Variants in KIFC2 observed in about 807,000 individuals in gnomAD.
KIFC2 encodes kinesin family member C2.
KIFC2 carries 94 observed loss-of-function variants against 91.5 expected under a neutral mutation model. The observed-to-expected ratio is 1.03, with a 90% confidence interval of 0.87 to 1.22. The LOEUF (loss-of-function observed/expected upper bound fraction) is 1.22, where lower values mean the gene tolerates loss of function less well. KIFC2 is among the 50% of genes most tolerant of loss of function. The probability of loss-of-function intolerance (pLI) is 0.00; values close to 1 mark genes in which losing one functional copy is unlikely to be tolerated. For missense variants in KIFC2, 1,357 were observed against 1,103.3 expected, an observed-to-expected ratio of 1.23 and a Z score of -3.26; for synonymous variants, 729 against 503.9, an observed-to-expected ratio of 1.45 and a Z score of -5.98.
chr8:144,473,909 C>T lies in KIFC2; in HGVS notation c.*520C>T. The stretch of plus-strand genomic sequence containing the variant: ...GGGCTCTCCCTCCCCCAGCCTGGAG[C>T]ACGGGAGGGGAGGTGACGGCTGGTG... On this transcript the variant is annotated 3_prime_UTR_variant, in exon 18 of 18. Coordinates refer to ENST00000645548, the MANE Select transcript of KIFC2 (RefSeq NM_001369769.2). 1 of 425,848 alleles carries T rather than the reference C, an allele frequency of 2.3e-6. No homozygotes were observed. Among genetic ancestry groups the T allele is most frequent in the Non-Finnish European group, 4.2e-6 (1 of 238,378 alleles). The allele number at this position is 425,848 out of a possible 1,614,324, so 26.4% of individuals were successfully genotyped here.
rs1179710228 is a variant in KIFC2 at position 144,467,315 on chromosome 8, C to T, written c.443C>T (p.Pro148Leu). The T allele has an allele frequency of 3.1e-6, 5 of 1,611,106 alleles. No homozygotes were observed. Among genetic ancestry groups the T allele is most frequent in the East Asian group, 4.5e-5 (2 of 44,872 alleles). Residue 148 changes from proline to leucine, a missense_variant, in exon 4 of 18, where the codon CCT becomes CTT. By Grantham distance (98) the Pro-to-Leu change is moderately conservative. Coordinates refer to ENST00000645548, the MANE Select transcript of KIFC2 (RefSeq NM_001369769.2). ...CTGCTCCAGGGGACTCAGCCAGCCC[C>T]TCGGGTCCGGCCCCCCTCTCCAGAT... Reference protein sequence around the residue: ...QALLQGTQPAPRVRPPSPDGS... With the variant: ...QALLQGTQPALRVRPPSPDGS...
In KIFC2 at chr8:144,467,482, C is replaced by T. The variant is rs1416446575; in HGVS notation, c.470-3C>T. ...AGTGCTAACTGGGCCCACCCTACTC[C>T]AGGATCCACATCCCAAGAAGAAAGC... On this transcript the variant is annotated splice_polypyrimidine_tract_variant and splice_region_variant and intron_variant, in intron 4 of 17. Coordinates refer to ENST00000645548, the MANE Select transcript of KIFC2 (RefSeq NM_001369769.2). 7.1e-6 allele frequency: 11 copies of T among 1,558,930 alleles called. No individual in the cohort carries two copies. The highest frequency in any genetic ancestry group is 9.5e-6 in the Non-Finnish European group (11 of 1,155,690).
intron 12 of KIFC2, among the ~76,000 whole-genome samples, 191 bp from the exon 13 acceptor site, chr8:144,471,751 C>T (rs1477637671): frequency 6.6e-6 from 1 of 152,158 alleles, no homozygotes; most frequent in African/African-American, 2.4e-5. Context: ...CAAATTCTTG[C>T]AAGCACCACC....
At position 144,472,918 on chromosome 8, in the gene KIFC2, C is replaced by A; in HGVS notation, c.1985C>A (p.Ser662Ter). Residue 662 changes from serine to a stop codon, truncating the protein, a stop_gained, in exon 17 of 18, where the codon TCG becomes TAG. Coordinates refer to ENST00000645548, the MANE Select transcript of KIFC2 (RefSeq NM_001369769.2). LOFTEE classifies it high-confidence loss of function. ...RLREAQTINRSLLALGGVMAA... is the reference protein window; with the variant it reads ...RLREAQTINR ...CGGGAGGCCCAGACCATAAACCGCT[C>A]GCTGCTGGCGCTAGGAGGCGTGATG... The A allele has an allele frequency of 6.7e-7, 1 of 1,487,706 alleles. No homozygotes were observed. Among genetic ancestry groups the A allele is most frequent in the Non-Finnish European group, 8.8e-7 (1 of 1,131,120 alleles). 92.2% of individuals were successfully genotyped at this position (1,487,706 alleles called of 1,614,324 possible). A position where few individuals can be genotyped will look rare whatever the true frequency, so the allele number is the denominator to read the frequency against.
At chr8:144,470,031 C>T (rs528921854) in intron 12 of KIFC2, among the ~76,000 whole-genome samples, 2 of 152,388 alleles carry the variant, frequency 1.3e-5, no homozygotes, top group Non-Finnish European at 2.9e-5. Flanking sequence ...CACCCTTTTC[C>T]TGCCAGACAC....
rs544961921 is a variant in KIFC2 at position 144,468,144 on chromosome 8, C to T, written c.810+157C>T. On this transcript the variant is annotated intron_variant, in intron 7 of 17. Transcript: ENST00000645548. ...GATGCCAATGGGAAGACCCCCCTCT[C>T]CGTGGCCCCTCTGAGTGGCTGACCC... 121 of 1,108,912 alleles carry T rather than the reference C, an allele frequency of 1.1e-4. 1 individual carries two copies. The African/African-American group carries it at 1.7e-3, about 15-fold the overall frequency. 68.7% of individuals were successfully genotyped at this position (1,108,912 alleles called of 1,614,324 possible). A position where few individuals can be genotyped will look rare whatever the true frequency, so the allele number is the denominator to read the frequency against.
intron 12 of KIFC2, among the ~76,000 whole-genome samples, 200 bp from the exon 13 acceptor site, chr8:144,471,742 A>G (rs1824933234): frequency 6.6e-6 from 1 of 152,052 alleles, no homozygotes; most frequent in Non-Finnish European, 1.5e-5. Flanking sequence ...TTTGCCTGGC[A>G]AATTCTTGCA....
In KIFC2 at chr8:144,467,292, G is replaced by C. The variant is rs375589656; in HGVS notation, c.420G>C (p.Leu140=). ...GAAGCCCCAGGGGGAGGCAGGCCCTGCTCCAGGGGACTCAGCCAGCCCCTC... is the reference window on the plus strand; with the variant it reads ...GAAGCCCCAGGGGGAGGCAGGCCCTCCTCCAGGGGACTCAGCCAGCCCCTC... ...WLRSPRGRQA[L]LQGTQPAPRV... The change falls in exon 4 of 18, where the codon CTG becomes CTC. Residue 140 remains leucine (L), a synonymous_variant. Coordinates refer to ENST00000645548, the MANE Select transcript of KIFC2 (RefSeq NM_001369769.2). The C allele has an allele frequency of 6.2e-7, 1 of 1,613,172 alleles. No homozygotes were observed. The highest frequency in any genetic ancestry group is 8.5e-7 in the Non-Finnish European group (1 of 1,179,930).
In KIFC2 at chr8:144,469,293, T is replaced by C; in HGVS notation, c.1136T>C (p.Leu379Pro). 1 of 1,601,948 alleles carries C rather than the reference T, an allele frequency of 6.2e-7. No homozygotes were observed. The highest frequency in any genetic ancestry group is 8.5e-7 in the Non-Finnish European group (1 of 1,176,172). The change falls in exon 11 of 18, where the codon CTG becomes CCG. Residue 379 changes from leucine to proline, a missense_variant. By Grantham distance (98) the Leu-to-Pro change is moderately conservative (BLOSUM62 -3). Coordinates refer to ENST00000645548, the MANE Select transcript of KIFC2 (RefSeq NM_001369769.2). Reference sequence around the variant, plus strand: ...CAGGTGTCCTGGGCCTTGGGGGCACTGTCATCTGGAGGGCCTGGCACTCAG... The same window carrying C: ...CAGGTGTCCTGGGCCTTGGGGGCACCGTCATCTGGAGGGCCTGGCACTCAG... ...RGQVSWALGA[L>P]SSGGPGTQLP...
In KIFC2 at chr8:144,469,438, C is replaced by G; in HGVS notation, c.1223-52C>G. ...AGGGCGGCTGGAAGAAGTGCAGCTT[C>G]TCTGTGCTTTAGGGTCTGCGAGGCA... On this transcript the variant is annotated intron_variant, in intron 11 of 17. Coordinates refer to ENST00000645548, the MANE Select transcript of KIFC2 (RefSeq NM_001369769.2). The G allele has an allele frequency of 3.7e-6, 6 of 1,613,350 alleles. No homozygotes were observed. The South Asian group carries it at 6.6e-5, about 18-fold the overall frequency.
Position 144,469,259 on chromosome 8 carries a change from C to T in KIFC2, c.1114-12C>T, listed in dbSNP as rs1418908062. On this transcript the variant is annotated splice_polypyrimidine_tract_variant and intron_variant, in intron 10 of 17. Transcript: ENST00000645548. ...CTGACCCCTTGCCTTCTGTACATCC[C>T]TGTTCCCTCAGGTGTCCTGGGCCTT... is the stretch of plus-strand genomic sequence containing the variant. 3 of 1,578,908 alleles carry T rather than the reference C, an allele frequency of 1.9e-6. No homozygotes were observed. The highest frequency in any genetic ancestry group is 2.7e-5 in the African/African-American group (2 of 74,572).
chr8:144,472,762 C>T, intron 16 of KIFC2, 33 bp from the exon 17 acceptor site: 2 of 1,591,646 alleles, frequency 1.3e-6, no homozygotes, highest in South Asian at 1.1e-5. Flanking sequence ...GAGGCCCGGC[C>T]TTCCCCCATG....
At position 144,467,247 on chromosome 8, in the gene KIFC2, G is replaced by A; in HGVS notation, c.375G>A (p.Leu125=). The A allele has an allele frequency of 6.2e-7, 1 of 1,613,632 alleles. No homozygotes were observed. The highest frequency in any genetic ancestry group is 1.1e-5 in the South Asian group (1 of 91,086). Residue 125 remains leucine (L), a synonymous_variant, in exon 4 of 18, where the codon TTG becomes TTA. Coordinates refer to ENST00000645548, the MANE Select transcript of KIFC2 (RefSeq NM_001369769.2). ...TGTTGACAGTGACCAGTCAGCTCTT[G>A]GCCCTTCTGGCATGGCTTCGAAGCC... is the stretch of plus-strand genomic sequence containing the variant. ...PSLLTVTSQL[L]ALLAWLRSPR... is the part of the protein sequence containing the mutation.
chr8:144,471,995 C>G lies in KIFC2; in HGVS notation c.1434C>G (p.Val478=). 4 of 1,613,588 alleles carry G rather than the reference C, an allele frequency of 2.5e-6. No individual in the cohort carries two copies. The highest frequency in any genetic ancestry group is 3.4e-6 in the Non-Finnish European group (4 of 1,180,038). ...AVLSCLRGYS[V]CIFTYGQTGT... ...TGTCCTGCCTCCGAGGCTACAGCGT[C>G]TGCATCTTCACCTATGGCCAGACAG... Residue 478 remains valine, a synonymous_variant, in exon 13 of 18, where the codon GTC becomes GTG. Coordinates refer to ENST00000645548, the MANE Select transcript of KIFC2 (RefSeq NM_001369769.2).
rs755184983 is a variant in KIFC2, at chr8:144,472,380, C to G, written c.1627C>G (p.Pro543Ala). Residue 543 changes from proline (P) to alanine (A), a missense_variant, in exon 15 of 18, where the codon CCT (proline) becomes GCT (alanine). Transcript: ENST00000645548. The part of the protein sequence containing the change: ...EAVRDLLAPG[P>A]PERLAVRQGP... ...CACCAGGGACCTCCTTGCTCCAGGG[C>G]CTCCCGAGCGCCTGGCCGTGAGGCA... 14 of 1,613,248 alleles carry G rather than the reference C, an allele frequency of 8.7e-6. No homozygotes were observed. The highest frequency in any genetic ancestry group is 1.2e-5 in the Non-Finnish European group (14 of 1,179,974).
chr8:144,472,835 A>C lies in KIFC2; in HGVS notation c.1902A>C (p.Ala634=). 6.4e-7 allele frequency: 1 copy of C among 1,569,804 alleles called. No homozygotes were observed. The highest frequency in any genetic ancestry group is 1.1e-5 in the South Asian group (1 of 88,226). Residue 634 remains alanine, a synonymous_variant, in exon 17 of 18, where the codon GCA becomes GCC. Transcript: ENST00000645548. Reference sequence around the variant, plus strand: ...TGGACCTGGCGGGATCCGAACGCGCACGGAAGGCAGGGGCGGCCGGCCCGC... The same window carrying C: ...TGGACCTGGCGGGATCCGAACGCGCCCGGAAGGCAGGGGCGGCCGGCCCGC... ...HLVDLAGSER[A]RKAGAAGPPR...
Position 144,467,990 on chromosome 8 carries a change from AC to A in KIFC2, c.810+4del, listed in dbSNP as rs1564747460. On this transcript the variant is annotated splice_donor_region_variant and intron_variant, in intron 7 of 17. Coordinates refer to ENST00000645548, the MANE Select transcript of KIFC2 (RefSeq NM_001369769.2). ...GGCCCCCCATCAGGGCTCCGCAGGT[AC>A]TCTGCTCCCGAGCTGCAGCCGTTCC... The A allele has an allele frequency of 1.9e-6, 3 of 1,543,616 alleles. No homozygotes were observed. Among genetic ancestry groups the A allele is most frequent in the Non-Finnish European group, 2.6e-6 (3 of 1,152,304 alleles).
chr8:144,467,819 G>A (rs562228053), intron 6 of KIFC2, 40 bp downstream of exon 6: 2 of 1,613,548 alleles, frequency 1.2e-6, no homozygotes, highest in African/African-American at 1.3e-5. Context: ...GGGCATGGAG[G>A]GGGTGCTTCA....
chr8:144,472,459 T>C lies in KIFC2; in HGVS notation c.1706T>C (p.Val569Ala). ...IQVAGLTHWD[V>A]PNLETLHQML... Reference sequence around the variant, plus strand: ...GTGGCTGGCCTCACCCACTGGGACGTGCCCAACCTGGAGACATTGCACCAG... The same window carrying C: ...GTGGCTGGCCTCACCCACTGGGACGCGCCCAACCTGGAGACATTGCACCAG... Residue 569 changes from valine (V) to alanine (A), a missense_variant, in exon 15 of 18, where the codon GTG becomes GCG. Physicochemically the swap from Val to Ala is moderately conservative, Grantham distance 64. Coordinates refer to ENST00000645548, the MANE Select transcript of KIFC2 (RefSeq NM_001369769.2). The C allele has an allele frequency of 6.2e-7, 1 of 1,612,212 alleles. No homozygotes were observed. Among genetic ancestry groups the C allele is most frequent in the Middle Eastern group, 1.7e-4 (1 of 6,058 alleles).
Sources: allele counts gnomAD v4.1 joint callset (sites outside exome capture counted in the v4.1 genomes callset), GRCh38; gene constraint gnomAD v4.1.1; transcripts MANE v1.5; gene names NCBI Gene and HGNC (gene_info 2026-07-23, HGNC 2026-07-21).